The following RAPGEF6 variants were observed in gnomAD, a reference collection of about 807,000 sequenced individuals.
RAPGEF6 encodes the protein Rap guanine nucleotide exchange factor 6.
RAPGEF6 carries 56 observed loss-of-function variants against 171.4 expected under a neutral mutation model. The observed-to-expected ratio is 0.33, with a 90% CI of 0.26 to 0.41. The LOEUF is 0.41. Among genes scored for constraint, RAPGEF6 ranks in the 10% least tolerant of loss-of-function variants. The pLI, the probability that RAPGEF6 is intolerant of heterozygous loss-of-function variation, is 1.00. For synonymous variants in RAPGEF6, 692 were observed against 650.1 expected (o/e 1.06, Z -0.98); for missense variants, 1,674 against 1,921.4 (o/e 0.87, Z 2.41).
chr5:131,546,472 C>T (rs544745921), intron 6 of RAPGEF6, among the ~76,000 whole-genome samples: 65 of 151,986 alleles, frequency 4.3e-4, no homozygotes, highest in Admixed American at 8.5e-4. Context: ...GGCGTGGTGG[C>T]GGGCGCCTGT....
At chr5:131,518,208 C>CA (rs777830914) in intron 7 of RAPGEF6, among the ~76,000 whole-genome samples, 83 of 151,592 alleles carry the variant, frequency 5.5e-4, no homozygotes, top group Non-Finnish European at 6.3e-4. Context: ...CTACTTATCT[C>CA]ATAGATATGA....
intron 19 of RAPGEF6, among the ~76,000 whole-genome samples, chr5:131,460,821 C>T (rs563123908): frequency 1.3e-5 from 2 of 152,098 alleles, no homozygotes; most frequent in South Asian, 2.1e-4. Flanking sequence ...ATAAAGAGTC[C>T]CTATAAAGAT....
chr5:131,466,878 A>G (rs1754390592), intron 17 of RAPGEF6, among the ~76,000 whole-genome samples: 1 of 152,204 alleles, frequency 6.6e-6, no homozygotes, highest in Admixed American at 6.5e-5. Context: ...TACTGAACAA[A>G]TGGGTTTCCA....
rs1036579646 is a variant in RAPGEF6 at position 131,425,267 on chromosome 5, T to C, written c.*1999A>G. On this transcript the variant is annotated 3_prime_UTR_variant, in exon 28 of 28. Transcript: ENST00000509018. Reference sequence around the variant, plus strand: ...AAAGACCTGCTAAATAAAGACATTATGAAAACAGCACATTTTTCTGGGGAA... The same window carrying C: ...AAAGACCTGCTAAATAAAGACATTACGAAAACAGCACATTTTTCTGGGGAA... 1 of 152,338 alleles carries C rather than the reference T, an allele frequency of 6.6e-6. No individual in the cohort carries two copies. 9.4% of individuals were successfully genotyped at this position (152,338 alleles called of 1,614,324 possible).
At chr5:131,553,597 A>G (rs1315542270) in intron 5 of RAPGEF6, among the ~76,000 whole-genome samples, 1 of 143,436 alleles carries the variant, frequency 7.0e-6, no homozygotes, top group Non-Finnish European at 1.5e-5. Flanking sequence ...TTTAGCAGAC[A>G]AAATAAAAAT....
chr5:131,542,772 A>C (rs1369047398), intron 6 of RAPGEF6, among the ~76,000 whole-genome samples: 1 of 152,216 alleles, frequency 6.6e-6, no homozygotes. Flanking sequence ...ATAAAAGTAC[A>C]TCTTAAGTAA....
intron 6 of RAPGEF6, among the ~76,000 whole-genome samples, chr5:131,546,744 T>C (rs1209787654): frequency 1.3e-5 from 2 of 152,174 alleles, no homozygotes; most frequent in Admixed American, 6.5e-5. Context: ...TTTAACAACA[T>C]TCAAAGATGT....
intron 5 of RAPGEF6, among the ~76,000 whole-genome samples, chr5:131,552,057 G>C (rs942809013): frequency 6.6e-6 from 1 of 152,066 alleles, no homozygotes; most frequent in Non-Finnish European, 1.5e-5. Flanking sequence ...TGATCTACCA[G>C]ACAGTTTCTG....
chr5:131,475,100 T>TA (rs1755011190), intron 16 of RAPGEF6, among the ~76,000 whole-genome samples: 2 of 152,374 alleles, frequency 1.3e-5, no homozygotes, highest in South Asian at 4.1e-4. Flanking sequence ...AAACACTGTA[T>TA]AGCTATAAAT....
intron 15 of RAPGEF6, among the ~76,000 whole-genome samples, chr5:131,483,969 A>C (rs1304643947): frequency 2.0e-5 from 3 of 151,130 alleles, no homozygotes; most frequent in Non-Finnish European, 1.5e-5. Flanking sequence ...GGTGGCAGGC[A>C]CCTGTAGTCC....
chr5:131,445,370 T>C (rs976018170), intron 22 of RAPGEF6, among the ~76,000 whole-genome samples: 3 of 152,230 alleles, frequency 2.0e-5, no homozygotes, highest in Admixed American at 6.5e-5. Flanking sequence ...AAAAAATTAC[T>C]ATGCAAATAC....
At chr5:131,569,626 T>A (rs1460013046) in intron 4 of RAPGEF6, among the ~76,000 whole-genome samples, 1 of 152,224 alleles carries the variant, frequency 6.6e-6, no homozygotes, top group Non-Finnish European at 1.5e-5. Flanking sequence ...AACTGTAAGA[T>A]GAAATAATCG....
intron 4 of RAPGEF6, among the ~76,000 whole-genome samples, chr5:131,577,189 C>T (rs758661955): frequency 2.0e-5 from 3 of 152,182 alleles, no homozygotes; most frequent in Non-Finnish European, 2.9e-5. Context: ...AGTCCGATAA[C>T]GGACCGGCCT....
chr5:131,501,544 T>C (rs1463818086), intron 11 of RAPGEF6, among the ~76,000 whole-genome samples: 1 of 152,016 alleles, frequency 6.6e-6, no homozygotes, highest in Non-Finnish European at 1.5e-5. Flanking sequence ...TGTTCAAGTA[T>C]TTTTGATGTT....
At chr5:131,631,879 A>G (rs984514734) in intron 1 of RAPGEF6, among the ~76,000 whole-genome samples, 5 of 152,130 alleles carry the variant, frequency 3.3e-5, no homozygotes, top group Admixed American at 1.3e-4. Context: ...GATTGAGGCC[A>G]TCCTGGCTAA....
At chr5:131,509,372 T>C (rs1324608453) in intron 8 of RAPGEF6, among the ~76,000 whole-genome samples, 1 of 152,048 alleles carries the variant, frequency 6.6e-6, no homozygotes, top group African/African-American at 2.4e-5. Context: ...TGAAACCCCA[T>C]TGCTACTAAA....
chr5:131,479,465 TAC>T, intron 16 of RAPGEF6, 46 bp downstream of exon 16: 1 of 1,598,328 alleles, frequency 6.3e-7, no homozygotes, highest in Non-Finnish European at 8.5e-7. Flanking sequence ...ATAAAAACTT[TAC>T]AGTGAAGATG....
intron 15 of RAPGEF6, among the ~76,000 whole-genome samples, chr5:131,483,859 G>C (rs1382701366): frequency 6.6e-6 from 1 of 152,040 alleles, no homozygotes; most frequent in Non-Finnish European, 1.5e-5. Context: ...CCAGCACTCT[G>C]GGAGGCCGAG....
chr5:131,561,835 C>G, intron 5 of RAPGEF6, 143 bp downstream of exon 5: 1 of 613,396 alleles, frequency 1.6e-6, no homozygotes, highest in Non-Finnish European at 2.8e-6. Context: ...AATAGATAAA[C>G]CTGGTAGATA....
Sources: gnomAD v4.1 joint callset for allele counts (sites outside exome capture counted in the v4.1 genomes callset) on GRCh38, gnomAD v4.1.1 for gene constraint, MANE v1.5 for transcripts, NCBI Gene and HGNC (gene_info 2026-07-23, HGNC 2026-07-21) for gene names.